GATC: variants seen among roughly 807,000 people sequenced by gnomAD.
GATC encodes the protein glutamyl-tRNA(Gln) amidotransferase subunit C, mitochondrial.
A neutral mutation model predicts 14.4 loss-of-function variants in GATC; 11 were observed. The ratio of observed to expected loss-of-function variants is 0.77; its 90% confidence interval spans 0.48 to 1.27. GATC has a LOEUF of 1.27. Ranked by LOEUF, GATC falls within the 50% of genes most tolerant of loss-of-function variation. The pLI, the probability that GATC is intolerant of heterozygous loss-of-function variation, is 0.00. For missense variants in GATC, 204 were observed against 183.0 expected, an observed-to-expected ratio of 1.11 and a Z score of -0.66; for synonymous variants, 76 against 79.3, an observed-to-expected ratio of 0.96 and a Z score of 0.22.
intron 2 of GATC, among the ~76,000 whole-genome samples, chr12:120,448,548 C>T (rs541714632): frequency 2.0e-5 from 3 of 150,706 alleles, no homozygotes; most frequent in African/African-American, 7.3e-5. Context: ...AGGCTGGTCT[C>T]GAACCCCTGG....
At chr12:120,453,327 TG>T (rs1180673896) in intron 2 of GATC, among the ~76,000 whole-genome samples, 1 of 152,194 alleles carries the variant, frequency 6.6e-6, no homozygotes, top group East Asian at 1.9e-4. Flanking sequence ...AGTTTACAAC[TG>T]AAGTCTTTCT....
intron 3 of GATC, among the ~76,000 whole-genome samples, chr12:120,457,461 GT>G (rs1434966782): frequency 6.6e-6 from 1 of 151,366 alleles, no homozygotes; most frequent in African/African-American, 2.4e-5. Context: ...GGCATTCAGT[GT>G]TTCTCAAAGC....
intron 2 of GATC, among the ~76,000 whole-genome samples, chr12:120,448,860 G>A (rs144281366): frequency 0.014 from 2,073 of 151,174 alleles, 51 homozygotes; most frequent in South Asian, 0.067. Context: ...TGGCCAGGCT[G>A]GTCTCGAACT....
Position 120,462,339 on chromosome 12 carries a change from T to G in GATC, c.*2380T>G. 1 of 547,832 alleles carries G rather than the reference T, an allele frequency of 1.8e-6. No homozygotes were observed. The highest frequency in any genetic ancestry group is 3.0e-6 in the Non-Finnish European group (1 of 335,548). The allele number at this position is 547,832 out of a possible 1,614,324, so 33.9% of individuals were successfully genotyped here. On this transcript the variant is annotated 3_prime_UTR_variant, in exon 4 of 4. Transcript: ENST00000551765. ...CATTATGAGGTAGGTACTCTTACTA[T>G]CCCATTTCAAGAATGAAGAAAATTA...
chr12:120,446,735 G>C lies in GATC; in HGVS notation c.160G>C (p.Val54Leu). 6.2e-7 allele frequency: 1 copy of C among 1,614,110 alleles called. No individual in the cohort carries two copies. The highest frequency in any genetic ancestry group is 1.6e-4 in the Middle Eastern group (1 of 6,062). The change falls in exon 2 of 4, where the codon GTG becomes CTG. Residue 54 changes from valine (V) to leucine (L), a missense_variant. Coordinates refer to ENST00000551765, the MANE Select transcript of GATC (RefSeq NM_176818.3). Reference protein sequence around the residue: ...ALVDFGSREAVARLEKAIAFA... With the variant: ...ALVDFGSREALARLEKAIAFA... ...TGTGGACTTCGGCAGCCGCGAGGCA[G>C]TGGCGCGACTGGAGAAAGCTATCGC...
At chr12:120,448,642 C>CTTTTTTTT (rs71451885) in intron 2 of GATC, among the ~76,000 whole-genome samples, 2 of 87,494 alleles carry the variant, frequency 2.3e-5, no homozygotes, top group African/African-American at 5.1e-5. Flanking sequence ...AAGTCCATTC[C>CTTTTTTTT]TTTTTTTTTT....
At chr12:120,454,575 ATT>A (rs35467904) in intron 2 of GATC, among the ~76,000 whole-genome samples, 3 of 144,808 alleles carry the variant, frequency 2.1e-5, no homozygotes, top group Admixed American at 6.9e-5. Flanking sequence ...CGCCTGGCTA[ATT>A]TTTTTTTTTT....
chr12:120,456,951 C>T, intron 2 of GATC, 125 bp from the exon 3 acceptor site: 1 of 673,274 alleles, frequency 1.5e-6, no homozygotes, highest in South Asian at 1.7e-5. Context: ...GCTTCTCTAT[C>T]TTTGAACAGT....
Position 120,449,966 on chromosome 12 carries a change from T to C in GATC, c.254+3137T>C, listed in dbSNP as rs376511359. The stretch of plus-strand genomic sequence containing the variant: ...TAGTAGAGACAGGGTTTCTCCATGT[T>C]GGTCAGGCTGGTCTCAAACTCCCGA... On this transcript the variant is annotated intron_variant, in intron 2 of 3. Transcript: ENST00000551765. Among the ~76,000 whole-genome samples the C allele has an allele frequency of 1.8e-4, 28 of 152,126 alleles. 1 individual carries two copies. In the East Asian group the frequency reaches 2.1e-3, roughly 12 times the overall value.
At chr12:120,448,826 AAT>A (rs758636388) in intron 2 of GATC, among the ~76,000 whole-genome samples, 7 of 147,494 alleles carry the variant, frequency 4.7e-5, no homozygotes, top group Non-Finnish European at 9.0e-5. Context: ...TTGTATTTTT[AAT>A]AGAGACGGGG....
Position 120,463,722 on chromosome 12 carries a change from T to G in GATC, c.*3763T>G. ...CAAACTGTGTAATGTGATACTAATA[T>G]GCAGAATAAAGCATATTAAAAAACA... On this transcript the variant is annotated 3_prime_UTR_variant, in exon 4 of 4. Coordinates refer to ENST00000551765, the MANE Select transcript of GATC (RefSeq NM_176818.3). 2.2e-6 allele frequency: 1 copy of G among 456,076 alleles called. No homozygotes were observed. The allele number at this position is 456,076 out of a possible 1,614,324, so 28.3% of individuals were successfully genotyped here. A position where few individuals can be genotyped will look rare whatever the true frequency, so the allele number is the denominator to read the frequency against.
intron 3 of GATC, among the ~76,000 whole-genome samples, chr12:120,459,099 A>G (rs1458257479): frequency 1.3e-5 from 2 of 151,950 alleles, no homozygotes; most frequent in African/African-American, 4.8e-5. Flanking sequence ...TGACCTCGTG[A>G]TCGTCCGCTT....
At chr12:120,459,873 C>T in intron 3 of GATC, 34 bp from the exon 4 acceptor site, 1 of 1,571,488 alleles carries the variant, frequency 6.4e-7, no homozygotes, top group Non-Finnish European at 8.7e-7. Context: ...AACAAACAAA[C>T]AAACAAAAAT....
intron 3 of GATC, among the ~76,000 whole-genome samples, chr12:120,459,579 G>A (rs538796404): frequency 4.1e-4 from 63 of 152,276 alleles, no homozygotes; most frequent in African/African-American, 1.4e-3. Context: ...TGTTGTGGCC[G>A]GGCGCGGTGG....
intron 2 of GATC, among the ~76,000 whole-genome samples, chr12:120,454,581 T>C (rs1878130645): frequency 2.0e-5 from 3 of 151,230 alleles, no homozygotes; most frequent in Non-Finnish European, 4.4e-5. Context: ...GCTAATTTTT[T>C]TTTTTTTGTA....
chr12:120,459,343 T>C (rs1279812185), intron 3 of GATC, among the ~76,000 whole-genome samples: 4 of 152,216 alleles, frequency 2.6e-5, no homozygotes, highest in Non-Finnish European at 4.4e-5. Flanking sequence ...CCTGAGTTCA[T>C]GGTCAGTGTT....
chr12:120,449,765 AT>A (rs796625406), intron 2 of GATC, among the ~76,000 whole-genome samples: 180 of 139,596 alleles, frequency 1.3e-3, no homozygotes, highest in Non-Finnish European at 1.3e-3. Context: ...TGTTTAATGA[AT>A]TTTTTTTTTT....
chr12:120,448,818 G>C (rs1877955433), intron 2 of GATC, among the ~76,000 whole-genome samples: 1 of 149,576 alleles, frequency 6.7e-6, no homozygotes, highest in Non-Finnish European at 1.5e-5. Context: ...GCTAATTTTT[G>C]TATTTTTAAT....
chr12:120,452,211 G>A (rs975293798), intron 2 of GATC, among the ~76,000 whole-genome samples: 3 of 151,940 alleles, frequency 2.0e-5, no homozygotes, highest in Non-Finnish European at 4.4e-5. Flanking sequence ...AGTCCTGGAA[G>A]GTCAATACAA....
Sources: allele counts gnomAD v4.1 joint callset (sites outside exome capture counted in the v4.1 genomes callset), GRCh38; gene constraint gnomAD v4.1.1; transcripts MANE v1.5; gene names NCBI Gene and HGNC (gene_info 2026-07-23, HGNC 2026-07-21).